The following SEPTIN4 variants were observed in gnomAD, a reference collection of about 807,000 sequenced individuals.
The protein encoded by SEPTIN4 is septin 4.
SEPTIN4 carries 52 observed loss-of-function variants against 107.1 expected under a neutral mutation model. That is an observed-to-expected ratio of 0.49 (90% confidence interval 0.39 to 0.61). The LOEUF (loss-of-function observed/expected upper bound fraction) is 0.61, where lower values mean the gene tolerates loss of function less well. Among genes scored for constraint, SEPTIN4 ranks in the 20% least tolerant of loss-of-function variants. SEPTIN4 has a pLI of 0.00. For missense variants in SEPTIN4, 1,048 were observed against 1,243.5 expected, an observed-to-expected ratio of 0.84 and a Z score of 2.36; for synonymous variants, 417 against 467.0, an observed-to-expected ratio of 0.89 and a Z score of 1.38.
chr17:58,520,425 G>T lies in SEPTIN4; in HGVS notation c.*1C>A, dbSNP rs144586608. 80 of 1,612,806 alleles carry T rather than the reference G, an allele frequency of 5.0e-5. No homozygotes were observed. Among genetic ancestry groups the T allele is most frequent in the Non-Finnish European group, 6.4e-5 (76 of 1,179,982 alleles). On this transcript the variant is annotated 3_prime_UTR_variant, in exon 14 of 14. Transcript: ENST00000672673. ...TTTAAATATCCAGGGCTGAAAGCCA[G>T]TTAATAGTTCTCCTTCATCTGTTTT...
chr17:58,525,370 T>C (rs1181023974), intron 6 of SEPTIN4, 169 bp from the exon 7 acceptor site: 1 of 786,190 alleles, frequency 1.3e-6, no homozygotes, highest in Non-Finnish European at 2.0e-6. Flanking sequence ...AAGGAGTACA[T>C]TTCCCAACAC....
At chr17:58,542,098 A>C in intron 1 of SEPTIN4, 132 bp from the exon 2 acceptor site, 1 of 978,682 alleles carries the variant, frequency 1.0e-6, no homozygotes, top group Non-Finnish European at 1.5e-6. Flanking sequence ...GGTCCTCTCC[A>C]AGAAGCTCCT....
At chr17:58,533,666 G>A (rs2043608925) in intron 3 of SEPTIN4, among the ~76,000 whole-genome samples, 1 of 152,084 alleles carries the variant, frequency 6.6e-6, no homozygotes, top group African/African-American at 2.4e-5. Flanking sequence ...GGGTAGATCA[G>A]GGGATCGGAA....
intron 7 of SEPTIN4, among the ~76,000 whole-genome samples, chr17:58,522,608 G>A (rs2042385419): frequency 6.8e-6 from 1 of 147,684 alleles, no homozygotes; most frequent in Non-Finnish European, 1.5e-5. Flanking sequence ...GTTGCAGTGA[G>A]CCAAGATCAT....
chr17:58,539,297 C>A, intron 3 of SEPTIN4: 1 of 790,450 alleles, frequency 1.3e-6, no homozygotes, highest in Non-Finnish European at 1.9e-6. Flanking sequence ...AAACAAGATG[C>A]ACAGAAAAAG....
Position 58,525,566 on chromosome 17 carries a change from G to C in SEPTIN4, c.2092+129C>G, listed in dbSNP as rs892029801. On this transcript the variant is annotated intron_variant, in intron 6 of 13. Coordinates refer to ENST00000672673, the MANE Select transcript of SEPTIN4 (RefSeq NM_001368771.2). ...GGGCTGCCAGGCAGTTAGGCCTATG[G>C]AGAGCTGCTGTCAGTCTCTCTAGGA... 17 of 804,692 alleles carry C rather than the reference G, an allele frequency of 2.1e-5. No individual in the cohort carries two copies. In the Admixed American group the frequency reaches 3.8e-4, roughly 18 times the overall value. 49.8% of individuals were successfully genotyped at this position (804,692 alleles called of 1,614,324 possible).
chr17:58,540,712 C>T (rs1190253431), intron 2 of SEPTIN4, 39 bp from the exon 3 acceptor site: 3 of 1,331,028 alleles, frequency 2.3e-6, no homozygotes, highest in South Asian at 2.0e-5. Context: ...TCCCAGGGGG[C>T]AGCAAATGGA....
intron 7 of SEPTIN4, among the ~76,000 whole-genome samples, chr17:58,524,158 C>T (rs1469237604): frequency 6.6e-6 from 1 of 152,224 alleles, no homozygotes; most frequent in Admixed American, 6.5e-5. Flanking sequence ...CTGTCAATCT[C>T]ATCCATTTCC....
intron 3 of SEPTIN4, among the ~76,000 whole-genome samples, chr17:58,533,785 T>C (rs1332117329): frequency 6.6e-6 from 1 of 152,196 alleles, no homozygotes; most frequent in Non-Finnish European, 1.5e-5. Context: ...GCTTGGACTA[T>C]ACAAAGCCCC....
At chr17:58,520,708 C>T (rs1301499154) in intron 13 of SEPTIN4, 35 bp downstream of exon 13, 14 of 1,610,752 alleles carry the variant, frequency 8.7e-6, no homozygotes, top group African/African-American at 1.3e-5. Flanking sequence ...GGTGATCAAA[C>T]AGGAGACCTC....
intron 3 of SEPTIN4, chr17:58,529,097 C>T: frequency 6.2e-7 from 1 of 1,614,082 alleles, no homozygotes; most frequent in Non-Finnish European, 8.5e-7. Context: ...CCACCCATCT[C>T]CCAGAGCAGC....
chr17:58,526,304 CCTT>C lies in SEPTIN4; in HGVS notation c.1918_1920del (p.Lys640del), dbSNP rs1470100313. On this transcript the variant is annotated inframe_deletion, in exon 5 of 14. Coordinates refer to ENST00000672673, the MANE Select transcript of SEPTIN4 (RefSeq NM_001368771.2). Reference sequence around the variant, plus strand: ...GGGAGGGTTGCAAAGCCCACATACTCCTTGTCATCCTAGTAGACAGGAAGGCAG... The same window carrying C: ...GGGAGGGTTGCAAAGCCCACATACTCGTCATCCTAGTAGACAGGAAGGCAG... The C allele has an allele frequency of 1.2e-5, 19 of 1,587,400 alleles. No individual in the cohort carries two copies. The highest frequency in any genetic ancestry group is 1.6e-5 in the Non-Finnish European group (19 of 1,167,224).
At chr17:58,539,158 T>A in intron 3 of SEPTIN4, 1 of 1,534,840 alleles carries the variant, frequency 6.5e-7, no homozygotes, top group East Asian at 2.4e-5. Flanking sequence ...TTGGGAGCCT[T>A]CTTTTCTTGG....
intron 3 of SEPTIN4, among the ~76,000 whole-genome samples, chr17:58,536,784 G>T (rs1204693256): frequency 6.6e-6 from 1 of 152,228 alleles, no homozygotes; most frequent in Non-Finnish European, 1.5e-5. Flanking sequence ...AGGGTGAGGG[G>T]ACATGGCCAT....
rs754575210 is a variant in SEPTIN4, at chr17:58,521,191, G to A, written c.2669-31C>T. On this transcript the variant is annotated intron_variant, in intron 11 of 13. Transcript: ENST00000672673. The surrounding 1 kb of genome is among the most constrained non-coding windows in gnomAD (Gnocchi z 6.4). Reference sequence around the variant, plus strand: ...TAGCAAGGCTAGGGGTCAGCCAGAGGCATAGGTAGGGGAGAGCCACTGAGG... The same window carrying A: ...TAGCAAGGCTAGGGGTCAGCCAGAGACATAGGTAGGGGAGAGCCACTGAGG... The A allele has an allele frequency of 1.9e-6, 3 of 1,614,184 alleles. No individual in the cohort carries two copies. The highest frequency in any genetic ancestry group is 1.6e-4 in the Middle Eastern group (1 of 6,062).
chr17:58,522,185 C>T, intron 7 of SEPTIN4, 84 bp from the exon 8 acceptor site: 2 of 1,543,014 alleles, frequency 1.3e-6, no homozygotes, highest in Non-Finnish European at 1.8e-6. Context: ...GTAGCCCACT[C>T]CCTGAGCAGT....
chr17:58,543,449 T>G lies in SEPTIN4; in HGVS notation c.738A>C (p.Glu246Asp). The G allele has an allele frequency of 6.2e-7, 1 of 1,614,230 alleles. No homozygotes were observed. Among genetic ancestry groups the G allele is most frequent in the Middle Eastern group, 1.6e-4 (1 of 6,062 alleles). ...YQTAQRRVPV[E>D]ESETGPYGPI... ...GACCGTAAGGACCTGTTTCTGATTC[T>G]TCTACAGGGACCCTTCTCTGGGCTG... Residue 246 changes from glutamate (E) to aspartate (D), a missense_variant, in exon 1 of 14, where the codon GAA (glutamate) becomes GAC (aspartate). Around this residue, in one of 2 missense-constraint regions of SEPTIN4, gnomAD observed 787 missense variants for 871.8 expected, o/e 0.90. Coordinates refer to ENST00000672673, the MANE Select transcript of SEPTIN4 (RefSeq NM_001368771.2).
At chr17:58,536,018 C>G (rs2043697902) in intron 3 of SEPTIN4, among the ~76,000 whole-genome samples, 1 of 152,188 alleles carries the variant, frequency 6.6e-6, no homozygotes, top group African/African-American at 2.4e-5. Context: ...ACAGATGTTA[C>G]TCTCACTAAA....
chr17:58,526,575 C>T (rs2042918067), intron 4 of SEPTIN4, 107 bp downstream of exon 4: 5 of 486,000 alleles, frequency 1.0e-5, no homozygotes, highest in Non-Finnish European at 1.6e-5. Flanking sequence ...CACACACAAA[C>T]ACACACACAC....
Sources: allele counts gnomAD v4.1 joint callset (sites outside exome capture counted in the v4.1 genomes callset), GRCh38; gene constraint gnomAD v4.1.1; regional missense constraint gnomAD v4.1.1; non-coding constraint Gnocchi (gnomAD v3.1); transcripts MANE v1.5; gene names NCBI Gene and HGNC (gene_info 2026-07-23, HGNC 2026-07-21).